The following FBN1 variants were observed in gnomAD, a reference collection of about 807,000 sequenced individuals.
The protein encoded by FBN1 is fibrillin 1.
FBN1 carries 29 observed loss-of-function variants against 365.1 expected under a neutral mutation model. That is an observed-to-expected ratio of 0.08 (90% CI 0.06 to 0.11). The LOEUF (loss-of-function observed/expected upper bound fraction) is 0.11, where lower values mean the gene tolerates loss of function less well. Ranked by LOEUF, FBN1 falls within the 10% of genes least tolerant of loss-of-function variation. FBN1 has a pLI of 1.00. For missense variants in FBN1, 2,476 were observed against 3,703.2 expected, an observed-to-expected ratio of 0.67 and a Z score of 8.60; for synonymous variants, 1,210 against 1,270.5, an observed-to-expected ratio of 0.95 and a Z score of 1.01.
rs1257735294 is a variant in FBN1 at position 48,420,596 on chromosome 15, A to G, written c.7819+91T>C. 9.8e-5 allele frequency: 151 copies of G among 1,543,930 alleles called. 1 individual carries two copies. The South Asian group carries it at 1.5e-3, about 16-fold the overall frequency. On this transcript the variant is annotated intron_variant, in intron 63 of 65. Transcript: ENST00000316623. Reference sequence around the variant, plus strand: ...TTTTAAATGAGTATTTGTTGCTTCAATAACACATTTACAGCTTCAGAAAGC... The same window carrying G: ...TTTTAAATGAGTATTTGTTGCTTCAGTAACACATTTACAGCTTCAGAAAGC...
intron 6 of FBN1, among the ~76,000 whole-genome samples, chr15:48,547,989 AG>A (rs1211922271): frequency 1.3e-5 from 2 of 152,182 alleles, no homozygotes; most frequent in Non-Finnish European, 2.9e-5. Context: ...ATGGGAGCTG[AG>A]GGGGTGGGAG....
chr15:48,619,109 G>T (rs138735901), intron 2 of FBN1, among the ~76,000 whole-genome samples: 2 of 152,104 alleles, frequency 1.3e-5, no homozygotes, highest in Non-Finnish European at 2.9e-5. Context: ...CCGTGGAAAA[G>T]TTATGTTCCA....
intron 49 of FBN1, among the ~76,000 whole-genome samples, chr15:48,443,986 C>T (rs1182451816): frequency 6.6e-6 from 1 of 152,120 alleles, no homozygotes; most frequent in Non-Finnish European, 1.5e-5. Flanking sequence ...GAGCTATACT[C>T]GTGCCACTGT....
intron 8 of FBN1, chr15:48,529,211 C>T (rs2043945670): frequency 6.6e-6 from 1 of 152,294 alleles, no homozygotes; most frequent in African/African-American, 2.4e-5. Context: ...GGACATTTCT[C>T]CCTGCTTCCT....
chr15:48,644,814 G>C lies in FBN1; in HGVS notation c.-45C>G, dbSNP rs1434024321. Reference sequence around the variant, plus strand: ...CTCCCGCCGCCTCTTGCCGCGCCCGGGGCTCGGTCTGCGGCCGCCGCTGCG... The same window carrying C: ...CTCCCGCCGCCTCTTGCCGCGCCCGCGGCTCGGTCTGCGGCCGCCGCTGCG... On this transcript the variant is annotated 5_prime_UTR_variant, in exon 2 of 66. Transcript: ENST00000316623. The C allele has an allele frequency of 6.3e-7, 1 of 1,583,748 alleles. No individual in the cohort carries two copies. The highest frequency in any genetic ancestry group is 8.5e-7 in the Non-Finnish European group (1 of 1,169,838).
chr15:48,483,709 T>G, intron 31 of FBN1, 109 bp downstream of exon 31: 1 of 1,311,376 alleles, frequency 7.6e-7, no homozygotes, highest in Non-Finnish European at 1.1e-6. Flanking sequence ...CTAAATATCC[T>G]TACTTTTCCT....
intron 45 of FBN1, among the ~76,000 whole-genome samples, chr15:48,450,224 G>C (rs1286192422): frequency 6.6e-6 from 1 of 152,144 alleles, no homozygotes; most frequent in Non-Finnish European, 1.5e-5. Flanking sequence ...CCAAAACTTT[G>C]GCACCTTCAG....
intron 2 of FBN1, among the ~76,000 whole-genome samples, chr15:48,632,293 T>C (rs1890002389): frequency 6.6e-6 from 1 of 152,224 alleles, no homozygotes. Flanking sequence ...GGTATGATTA[T>C]CTAGATTTTT....
intron 60 of FBN1, among the ~76,000 whole-genome samples, chr15:48,423,248 T>C (rs1426909751): frequency 3.3e-5 from 5 of 152,258 alleles, no homozygotes; most frequent in Middle Eastern, 3.2e-3. Flanking sequence ...CCTCACCATC[T>C]GCACAACTGC....
intron 2 of FBN1, among the ~76,000 whole-genome samples, chr15:48,635,509 A>T (rs764394502): frequency 6.6e-6 from 1 of 152,212 alleles, no homozygotes; most frequent in East Asian, 1.9e-4. Context: ...ACCTATTTTT[A>T]CTTATTAGTA....
At chr15:48,619,400 T>C (rs1889723126) in intron 2 of FBN1, among the ~76,000 whole-genome samples, 1 of 152,166 alleles carries the variant, frequency 6.6e-6, no homozygotes, top group Admixed American at 6.5e-5. Flanking sequence ...ACCAGTAGAT[T>C]GGTGACTCTA....
chr15:48,498,632 C>T (rs1270495804), intron 18 of FBN1, among the ~76,000 whole-genome samples: 2 of 152,174 alleles, frequency 1.3e-5, no homozygotes, highest in African/African-American at 4.8e-5. Flanking sequence ...AGCCCATCAT[C>T]CCGAGTGGTA....
chr15:48,511,956 C>T (rs1015322919), intron 13 of FBN1, among the ~76,000 whole-genome samples: 3 of 152,102 alleles, frequency 2.0e-5, no homozygotes, highest in African/African-American at 4.8e-5. Context: ...GCCTAGTATG[C>T]TATTTGTACA....
chr15:48,435,602 T>C (rs1420570261), intron 53 of FBN1, among the ~76,000 whole-genome samples: 2 of 152,028 alleles, frequency 1.3e-5, no homozygotes, highest in Admixed American at 6.6e-5. Flanking sequence ...GAAAAAAATA[T>C]GTTTAGGTTA....
At chr15:48,624,184 T>C (rs1466834311) in intron 2 of FBN1, among the ~76,000 whole-genome samples, 1 of 152,122 alleles carries the variant, frequency 6.6e-6, no homozygotes, top group Non-Finnish European at 1.5e-5. Context: ...AACTAGACAA[T>C]TGAACCATGA....
chr15:48,502,180 C>T (rs2043665929), intron 17 of FBN1, among the ~76,000 whole-genome samples: 1 of 152,100 alleles, frequency 6.6e-6, no homozygotes, highest in African/African-American at 2.4e-5. Context: ...AGGCGCGCAC[C>T]ACCACGCATG....
At chr15:48,593,262 G>A (rs989664160) in intron 6 of FBN1, among the ~76,000 whole-genome samples, 10 of 152,190 alleles carry the variant, frequency 6.6e-5, no homozygotes, top group African/African-American at 2.4e-4. Flanking sequence ...CTCTGAGGTA[G>A]TTATTAATGT....
chr15:48,487,725 AG>A (rs1332919834), intron 27 of FBN1, among the ~76,000 whole-genome samples: 1 of 152,226 alleles, frequency 6.6e-6, no homozygotes, highest in Non-Finnish European at 1.5e-5. Context: ...CACTTTTGCA[AG>A]AATCTCCATT....
intron 6 of FBN1, among the ~76,000 whole-genome samples, chr15:48,569,906 A>T (rs2044293707): frequency 6.6e-6 from 1 of 152,164 alleles, no homozygotes; most frequent in African/African-American, 2.4e-5. Flanking sequence ...CTAAAATTTG[A>T]ATTAAATTGA....
Sources: gnomAD v4.1 joint callset for allele counts (sites outside exome capture counted in the v4.1 genomes callset) on GRCh38, gnomAD v4.1.1 for gene constraint, MANE v1.5 for transcripts, NCBI Gene and HGNC (gene_info 2026-07-23, HGNC 2026-07-21) for gene names.